Variants in TTLL11 observed in about 807,000 individuals in gnomAD.
TTLL11 encodes tubulin tyrosine ligase like 11.
In TTLL11, 42 loss-of-function variants were observed where a neutral mutation model predicts 51.7. The observed-to-expected ratio is 0.81, with a 90% CI of 0.64 to 1.05. The LOEUF (loss-of-function observed/expected upper bound fraction) is 1.05. Ranked by LOEUF, TTLL11 falls within the 50% of genes least tolerant of loss-of-function variation. The pLI is 0.00. For missense variants in TTLL11, 799 were observed against 940.4 expected, an observed-to-expected ratio of 0.85 and a Z score of 1.97; for synonymous variants, 381 against 383.5, an observed-to-expected ratio of 0.99 and a Z score of 0.08.
intron 6 of TTLL11, among the ~76,000 whole-genome samples, chr9:121,965,477 G>A (rs931577297): frequency 1.3e-5 from 2 of 152,130 alleles, no homozygotes; most frequent in African/African-American, 4.8e-5. Context: ...AGAACAGCAT[G>A]GGGGAAACTG....
In TTLL11 at chr9:121,995,283, G is replaced by A. The variant is rs1014496568; in HGVS notation, c.694-5513C>T. On this transcript the variant is annotated intron_variant, in intron 3 of 8. Coordinates refer to ENST00000321582, the MANE Select transcript of TTLL11 (RefSeq NM_001139442.2). This position sits in a 1 kb window ranked among gnomAD's most constrained non-coding sequence, Gnocchi z 4.4. ...CTGTATTTATACTCGATCTGCAGGC[G>A]AAGGATGGAGTTTCAACTGGCGAGG... Among the ~76,000 whole-genome samples the A allele has an allele frequency of 6.6e-6, 1 of 152,188 alleles. No individual in the cohort carries two copies. The highest frequency in any genetic ancestry group is 1.9e-4 in the East Asian group (1 of 5,188).
At chr9:122,051,307 A>G (rs1845149529) in intron 1 of TTLL11, among the ~76,000 whole-genome samples, 1 of 152,060 alleles carries the variant, frequency 6.6e-6, no homozygotes, top group Non-Finnish European at 1.5e-5. Flanking sequence ...ACTAAGGGGG[A>G]TGGATGGATG....
rs936899643 is a variant in TTLL11 at position 121,816,459 on chromosome 9, A to T, written c.*6128T>A. 6.6e-6 allele frequency: 1 copy of T among 152,098 alleles called. No individual in the cohort carries two copies. The highest frequency in any genetic ancestry group is 3.4e-3 in the Middle Eastern group (1 of 294). 9.4% of individuals were successfully genotyped at this position (152,098 alleles called of 1,614,324 possible). A position where few individuals can be genotyped will look rare whatever the true frequency, so the allele number is the denominator to read the frequency against. On this transcript the variant is annotated 3_prime_UTR_variant, in exon 9 of 9. Coordinates refer to ENST00000321582, the MANE Select transcript of TTLL11 (RefSeq NM_001139442.2). ...CTCTCCACTCCGCTCTCTAAATAAC[A>T]CTCGGAAGCCAATCACCAGAAATGA...
intron 6 of TTLL11, among the ~76,000 whole-genome samples, chr9:121,889,513 A>G (rs1313039830): frequency 6.6e-6 from 1 of 152,052 alleles, no homozygotes; most frequent in East Asian, 1.9e-4. Flanking sequence ...CTCTGTCCCT[A>G]TCAAACAATA....
Position 122,029,763 on chromosome 9 carries a change from TATA to T in TTLL11, c.693+1957_693+1959del, listed in dbSNP as rs548837916. On this transcript the variant is annotated intron_variant, in intron 3 of 8. Transcript: ENST00000321582. ...ACAGTGTTTCTGAAGTCTGCAGTAG[TATA>T]ATGTCCTAGGCCTTCACATTCCCTT... Among the ~76,000 whole-genome samples, 30 of 152,280 alleles carry T rather than the reference TATA, an allele frequency of 2.0e-4. No individual in the cohort carries two copies. In the South Asian group the frequency reaches 6.0e-3, roughly 31 times the overall value.
At chr9:121,869,969 A>G (rs147229623) in intron 7 of TTLL11, among the ~76,000 whole-genome samples, 42 of 152,386 alleles carry the variant, frequency 2.8e-4, no homozygotes, top group African/African-American at 9.1e-4. Context: ...CTCATGCTTT[A>G]TCTTGAAAAT....
intron 3 of TTLL11, among the ~76,000 whole-genome samples, chr9:121,991,182 T>A (rs1039366863): frequency 3.9e-5 from 6 of 152,240 alleles, no homozygotes; most frequent in African/African-American, 1.2e-4. Context: ...AGCCAGGACA[T>A]CTGCACTCTG....
intron 2 of TTLL11, 143 bp downstream of exon 2, chr9:122,039,129 C>G (rs1015009252): frequency 8.4e-5 from 55 of 656,524 alleles, no homozygotes; most frequent in Non-Finnish European, 1.3e-4. Context: ...ATCCTTAAAA[C>G]CTTAATGGCT....
chr9:121,915,363 T>C (rs1840285087), intron 6 of TTLL11, among the ~76,000 whole-genome samples: 1 of 152,242 alleles, frequency 6.6e-6, no homozygotes, highest in East Asian at 1.9e-4. Context: ...ATACTAGTGC[T>C]GTGCTTGTAT....
chr9:121,826,533 G>GTATATATATATATATATATA (rs1564260517), intron 8 of TTLL11, among the ~76,000 whole-genome samples: 1 of 51,172 alleles, frequency 2.0e-5, no homozygotes, highest in Non-Finnish European at 3.5e-5. Context: ...ATATATGTGT[G>GTATATATATATATATATATA]TGTGTATATA....
chr9:121,948,173 G>A (rs1389812380), intron 6 of TTLL11, among the ~76,000 whole-genome samples: 1 of 152,048 alleles, frequency 6.6e-6, no homozygotes, highest in Non-Finnish European at 1.5e-5. Context: ...TTACAGAGGA[G>A]AACATAGAGA....
At chr9:121,883,661 A>C (rs1415012175) in intron 6 of TTLL11, among the ~76,000 whole-genome samples, 1 of 152,216 alleles carries the variant, frequency 6.6e-6, no homozygotes, top group Non-Finnish European at 1.5e-5. Flanking sequence ...AAAATCCATT[A>C]AAGTATTTAA....
intron 4 of TTLL11, among the ~76,000 whole-genome samples, chr9:121,983,147 G>T (rs1385980326): frequency 6.6e-6 from 1 of 152,204 alleles, no homozygotes; most frequent in Non-Finnish European, 1.5e-5. Flanking sequence ...ATTTGCAAGA[G>T]TTGCTTATGG....
chr9:121,856,992 C>A (rs1163808585), intron 8 of TTLL11, among the ~76,000 whole-genome samples: 1 of 152,246 alleles, frequency 6.6e-6, no homozygotes, highest in African/African-American at 2.4e-5. Flanking sequence ...CCTTGAGAAT[C>A]AGGGGCTTGG....
intron 6 of TTLL11, among the ~76,000 whole-genome samples, chr9:121,907,453 A>AG (rs201614231): frequency 0.013 from 1,905 of 146,642 alleles, 47 homozygotes; most frequent in African/African-American, 0.046. Context: ...TCTGTCTCAA[A>AG]AAAAAAAAAA....
intron 1 of TTLL11, among the ~76,000 whole-genome samples, chr9:122,087,661 A>G (rs185479007): frequency 6.6e-6 from 1 of 152,170 alleles, no homozygotes; most frequent in African/African-American, 2.4e-5. Flanking sequence ...ACATCTCCAA[A>G]GAGGGCAGCT....
intron 6 of TTLL11, among the ~76,000 whole-genome samples, chr9:121,956,413 A>T (rs1842017193): frequency 6.6e-6 from 1 of 152,266 alleles, no homozygotes; most frequent in Admixed American, 6.5e-5. Context: ...ATGTGAATTT[A>T]AAAAGTGGCT....
chr9:121,995,890 C>T lies in TTLL11; in HGVS notation c.694-6120G>A, dbSNP rs1242990733. Among the ~76,000 whole-genome samples, 2 of 152,134 alleles carry T rather than the reference C, an allele frequency of 1.3e-5. No individual in the cohort carries two copies. Among genetic ancestry groups the T allele is most frequent in the East Asian group, 3.9e-4 (2 of 5,188 alleles). On this transcript the variant is annotated intron_variant, in intron 3 of 8. Transcript: ENST00000321582. The surrounding 1 kb of genome is among the most constrained non-coding windows in gnomAD (Gnocchi z 4.4). ...TACCTCGAACTGGAGCACAGGTATCCGAACAGACCTCTCAAGCTCCGTGGT... is the reference window on the plus strand; with the variant it reads ...TACCTCGAACTGGAGCACAGGTATCTGAACAGACCTCTCAAGCTCCGTGGT...
chr9:121,992,851 A>G (rs1469920434), intron 3 of TTLL11, among the ~76,000 whole-genome samples: 1 of 152,206 alleles, frequency 6.6e-6, no homozygotes, highest in African/African-American at 2.4e-5. Context: ...CACCCCGTTC[A>G]AAATTCCAAC....
Sources: allele counts gnomAD v4.1 joint callset (sites outside exome capture counted in the v4.1 genomes callset), GRCh38; gene constraint gnomAD v4.1.1; non-coding constraint Gnocchi (gnomAD v3.1); transcripts MANE v1.5; gene names NCBI Gene and HGNC (gene_info 2026-07-23, HGNC 2026-07-21).